The following RGS7 variants were observed in gnomAD, a reference collection of about 807,000 sequenced individuals.
RGS7 encodes the protein regulator of G protein signaling 7, also known as regulator of G-protein signaling 7.
A neutral mutation model predicts 81.1 loss-of-function variants in RGS7; 27 were observed. That is an observed-to-expected ratio of 0.33 (90% CI 0.25 to 0.46). The LOEUF is 0.46. RGS7 is among the 20% of genes least tolerant of loss of function. The pLI is 1.00. For missense variants in RGS7, 396 were observed against 607.4 expected (o/e 0.65, Z 3.66); for synonymous variants, 208 against 207.7 (o/e 1.00, Z -0.01).
intron 2 of RGS7, among the ~76,000 whole-genome samples, chr1:241,303,512 T>C (rs1028442169): frequency 1.7e-4 from 26 of 152,360 alleles, no homozygotes; most frequent in Admixed American, 7.8e-4. Flanking sequence ...CCATCACACC[T>C]CTGACTCACA....
intron 2 of RGS7, among the ~76,000 whole-genome samples, chr1:241,279,385 C>T (rs1487854615): frequency 1.3e-5 from 2 of 152,082 alleles, no homozygotes; most frequent in Non-Finnish European, 2.9e-5. Flanking sequence ...TAAACATGCT[C>T]AGTGTTGAAA....
chr1:241,113,627 C>T (rs2065684642), intron 2 of RGS7, among the ~76,000 whole-genome samples: 1 of 152,180 alleles, frequency 6.6e-6, no homozygotes, highest in African/African-American at 2.4e-5. Context: ...GTGTAAAGAA[C>T]GTGGCCTTTG....
At chr1:241,022,691 C>T (rs541335141) in intron 3 of RGS7, among the ~76,000 whole-genome samples, 59 of 152,126 alleles carry the variant, frequency 3.9e-4, no homozygotes, top group Non-Finnish European at 8.1e-4. Context: ...AACCCTGATC[C>T]CTGAGTTTTC....
intron 2 of RGS7, among the ~76,000 whole-genome samples, chr1:241,147,611 A>G (rs1558128390): frequency 6.6e-6 from 1 of 151,738 alleles, no homozygotes; most frequent in Non-Finnish European, 1.5e-5. Flanking sequence ...CACATGATTC[A>G]TGCAATCATG....
At chr1:241,161,452 G>A in intron 2 of RGS7, among the ~76,000 whole-genome samples, 1 of 149,372 alleles carries the variant, frequency 6.7e-6, no homozygotes, top group South Asian at 2.1e-4. Flanking sequence ...AATAACTAAT[G>A]GCACAGTCCA....
intron 3 of RGS7, among the ~76,000 whole-genome samples, chr1:241,043,743 G>C (rs1286199523): frequency 1.3e-5 from 2 of 151,442 alleles, no homozygotes; most frequent in Admixed American, 1.3e-4. Context: ...AAACCCAGTA[G>C]AGTATAACAA....
In RGS7 at chr1:241,124,863, C is replaced by A. The variant is rs145416510; in HGVS notation, c.79-26101G>T. Reference sequence around the variant, plus strand: ...GCAGGTAGGCAGAGGCAAAAGCCAGCGAACTTGTTACTCATCAATGGATTC... The same window carrying A: ...GCAGGTAGGCAGAGGCAAAAGCCAGAGAACTTGTTACTCATCAATGGATTC... On this transcript the variant is annotated intron_variant, in intron 2 of 18. Transcript: ENST00000440928. Among the ~76,000 whole-genome samples, 10 of 152,300 alleles carry A rather than the reference C, an allele frequency of 6.6e-5. No individual in the cohort carries two copies. The East Asian group carries it at 1.9e-3, about 29-fold the overall frequency.
At chr1:240,865,766 C>G (rs1198541389) in intron 9 of RGS7, among the ~76,000 whole-genome samples, 1 of 152,144 alleles carries the variant, frequency 6.6e-6, no homozygotes, top group Non-Finnish European at 1.5e-5. Flanking sequence ...TTGCTGTTTT[C>G]CCCTATGCCA....
chr1:240,865,118 A>G (rs1662996565), intron 9 of RGS7, among the ~76,000 whole-genome samples: 1 of 152,184 alleles, frequency 6.6e-6, no homozygotes, highest in South Asian at 2.1e-4. Flanking sequence ...ACTGCAAGGT[A>G]GGTAGATATA....
At chr1:240,946,039 A>C (rs1342786614) in intron 4 of RGS7, among the ~76,000 whole-genome samples, 2 of 152,196 alleles carry the variant, frequency 1.3e-5, no homozygotes, top group African/African-American at 4.8e-5. Context: ...AAGATGTATT[A>C]AAACATTTTT....
chr1:240,796,511 C>T (rs1490725853), intron 18 of RGS7, among the ~76,000 whole-genome samples: 1 of 152,204 alleles, frequency 6.6e-6, no homozygotes, highest in African/African-American at 2.4e-5. Context: ...CATGGTGAAA[C>T]CCCATCTCTA....
intron 6 of RGS7, among the ~76,000 whole-genome samples, chr1:240,922,926 C>T (rs1673817066): frequency 6.6e-6 from 1 of 152,082 alleles, no homozygotes; most frequent in African/African-American, 2.4e-5. Context: ...AGCAGCTCAA[C>T]TCGTAATTGC....
intron 3 of RGS7, among the ~76,000 whole-genome samples, chr1:241,013,077 T>C (rs1046245468): frequency 9.4e-6 from 1 of 106,060 alleles, no homozygotes; most frequent in East Asian, 3.0e-4. Flanking sequence ...TTTTTTTTTT[T>C]TGTGAAACGG....
At chr1:240,987,383 A>G (rs1380540374) in intron 3 of RGS7, among the ~76,000 whole-genome samples, 1 of 152,212 alleles carries the variant, frequency 6.6e-6, no homozygotes, top group Non-Finnish European at 1.5e-5. Flanking sequence ...TCTTTCAGGG[A>G]AATGGAAAAG....
intron 3 of RGS7, among the ~76,000 whole-genome samples, chr1:240,988,033 G>A (rs967775525): frequency 5.3e-5 from 8 of 152,038 alleles, no homozygotes; most frequent in South Asian, 2.1e-4. Context: ...AATGTCTAGC[G>A]AAGCAAATTA....
At chr1:241,095,356 A>G (rs1183889234) in intron 3 of RGS7, among the ~76,000 whole-genome samples, 1 of 152,212 alleles carries the variant, frequency 6.6e-6, no homozygotes, top group African/African-American at 2.4e-5. Flanking sequence ...TTTGATACAA[A>G]TAATATATGA....
intron 3 of RGS7, among the ~76,000 whole-genome samples, chr1:241,030,373 T>TATATATATATATATATATACACACAC (rs374223475): frequency 1.3e-4 from 17 of 135,184 alleles, no homozygotes; most frequent in African/African-American, 2.8e-4. Flanking sequence ...TATATATATA[T>TATATATATATATATATATACACACAC]ACATACACAC....
chr1:240,852,303 T>C (rs1660255547), intron 9 of RGS7, among the ~76,000 whole-genome samples: 2 of 152,248 alleles, frequency 1.3e-5, no homozygotes, highest in South Asian at 4.1e-4. Flanking sequence ...CATTTTTCAG[T>C]AATAAAGTAT....
chr1:240,934,095 C>A (rs912924606), intron 5 of RGS7, among the ~76,000 whole-genome samples: 3 of 152,170 alleles, frequency 2.0e-5, no homozygotes, highest in African/African-American at 7.2e-5. Flanking sequence ...TCCCAAGTAG[C>A]TGGGACTACA....
Sources: allele counts gnomAD v4.1 joint callset (sites outside exome capture counted in the v4.1 genomes callset), GRCh38; gene constraint gnomAD v4.1.1; transcripts MANE v1.5; gene names NCBI Gene and HGNC (gene_info 2026-07-23, HGNC 2026-07-21).